The following VRK2 variants were observed in gnomAD, a reference collection of about 807,000 sequenced individuals.
VRK2 encodes VRK serine/threonine kinase 2, also known as serine/threonine-protein kinase VRK2.
Under a neutral mutation model 57.6 loss-of-function variants are expected in VRK2, and 60 were observed. The observed-to-expected ratio is 1.04, with a 90% CI of 0.85 to 1.29. The LOEUF (loss-of-function observed/expected upper bound fraction) is 1.29. Among genes scored for constraint, VRK2 ranks in the 50% most tolerant of loss-of-function variants. The pLI, the probability that VRK2 is intolerant of heterozygous loss-of-function variation, is 0.00. For synonymous variants in VRK2, 231 were observed against 199.2 expected (o/e 1.16, Z -1.35); for missense variants, 705 against 588.1 (o/e 1.20, Z -2.06).
chr2:57,983,017 C>T (rs777405734), intron 1 of VRK2, among the ~76,000 whole-genome samples: 1 of 152,172 alleles, frequency 6.6e-6, no homozygotes, highest in Non-Finnish European at 1.5e-5. Context: ...TCACCCCTTC[C>T]CTAGGAGCTG....
At chr2:57,923,081 C>T (rs576282324) in intron 1 of VRK2, among the ~76,000 whole-genome samples, 13 of 151,988 alleles carry the variant, frequency 8.6e-5, no homozygotes, top group African/African-American at 2.9e-4. Flanking sequence ...AATAGTACTC[C>T]ATTGTGTATG....
At chr2:58,154,575 A>G (rs1014019734) in intron 12 of VRK2, among the ~76,000 whole-genome samples, 1 of 151,974 alleles carries the variant, frequency 6.6e-6, no homozygotes, top group African/African-American at 2.4e-5. Flanking sequence ...GACATTAGCT[A>G]TGTCCCATGT....
intron 1 of VRK2, among the ~76,000 whole-genome samples, chr2:57,939,031 G>T (rs1426894220): frequency 6.6e-6 from 1 of 152,118 alleles, no homozygotes; most frequent in African/African-American, 2.4e-5. Context: ...AGACAATAGT[G>T]AAGCCTGAAA....
intron 7 of VRK2, among the ~76,000 whole-genome samples, chr2:58,094,154 T>C (rs1461147256): frequency 2.6e-5 from 4 of 152,220 alleles, no homozygotes; most frequent in Non-Finnish European, 5.9e-5. Context: ...GCAGGCCCTT[T>C]TTTGGTTCCA....
At chr2:57,908,578 G>T (rs1044357970) in intron 1 of VRK2, among the ~76,000 whole-genome samples, 2 of 151,946 alleles carry the variant, frequency 1.3e-5, no homozygotes, top group Admixed American at 6.6e-5. Context: ...CAAAATGTCT[G>T]AAGTTAAATG....
At chr2:58,081,323 G>A (rs75792641) in intron 2 of VRK2, among the ~76,000 whole-genome samples, 3,464 of 152,000 alleles carry the variant, frequency 0.023, 59 homozygotes, top group Non-Finnish European at 0.037. Flanking sequence ...AACAGCAGCT[G>A]TAAGATGTCA....
At chr2:58,030,451 T>C (rs1674078029) in intron 2 of VRK2, among the ~76,000 whole-genome samples, 1 of 152,058 alleles carries the variant, frequency 6.6e-6, no homozygotes, top group African/African-American at 2.4e-5. Context: ...ATTTAAATAA[T>C]CTAAAATGTC....
chr2:58,138,574 C>T (rs546288054), intron 10 of VRK2, among the ~76,000 whole-genome samples: 1 of 152,186 alleles, frequency 6.6e-6, no homozygotes, highest in Admixed American at 6.5e-5. Flanking sequence ...TGAAATTTTT[C>T]TCTATAGGGA....
chr2:58,069,791 C>T (rs1437717375), intron 2 of VRK2, among the ~76,000 whole-genome samples: 1 of 152,116 alleles, frequency 6.6e-6, no homozygotes, highest in Non-Finnish European at 1.5e-5. Context: ...ATATTCATTT[C>T]CTACTCTTCT....
intron 1 of VRK2, among the ~76,000 whole-genome samples, chr2:58,048,188 G>C (rs921392237): frequency 1.3e-5 from 2 of 152,208 alleles, no homozygotes; most frequent in African/African-American, 4.8e-5. Context: ...TCTAAGGCAG[G>C]ACTGTTTTCA....
At chr2:57,910,964 G>A (rs745421608) in intron 1 of VRK2, among the ~76,000 whole-genome samples, 48 of 151,972 alleles carry the variant, frequency 3.2e-4, no homozygotes, top group Non-Finnish European at 5.6e-4. Context: ...TAGAACCAGT[G>A]AGCAATAAAC....
chr2:58,058,570 G>A (rs1484375060), intron 2 of VRK2: 2 of 273,630 alleles, frequency 7.3e-6, no homozygotes, highest in African/African-American at 2.3e-5. Flanking sequence ...ATAGAACACA[G>A]AAAAGTAAAA....
intron 11 of VRK2, 67 bp from the exon 12 acceptor site, chr2:58,146,249 T>C: frequency 7.4e-7 from 1 of 1,353,068 alleles, no homozygotes; most frequent in Admixed American, 2.6e-5. Context: ...AATCTGGACA[T>C]ATATGCATTT....
At chr2:57,970,551 T>A (rs1489571805) in intron 1 of VRK2, among the ~76,000 whole-genome samples, 1 of 141,396 alleles carries the variant, frequency 7.1e-6, no homozygotes. Context: ...AAGAAAACAT[T>A]AATTTTGAAA....
At chr2:58,054,751 A>T (rs1409580105) in intron 2 of VRK2, among the ~76,000 whole-genome samples, 1 of 152,200 alleles carries the variant, frequency 6.6e-6, no homozygotes, top group East Asian at 1.9e-4. Context: ...TATGGTTTTT[A>T]TACTACTTAG....
At chr2:58,134,350 G>A (rs1270463571) in intron 9 of VRK2, among the ~76,000 whole-genome samples, 2 of 152,000 alleles carry the variant, frequency 1.3e-5, no homozygotes, top group African/African-American at 4.8e-5. Context: ...GGTGGCTCAC[G>A]CCTGTAATCC....
chr2:57,967,477 A>T (rs2104013004), intron 1 of VRK2, among the ~76,000 whole-genome samples: 1 of 152,200 alleles, frequency 6.6e-6, no homozygotes, highest in South Asian at 2.1e-4. Flanking sequence ...TTTAACATTC[A>T]GTACTAATTT....
At chr2:57,932,219 T>C (rs891942848) in intron 1 of VRK2, among the ~76,000 whole-genome samples, 1 of 152,146 alleles carries the variant, frequency 6.6e-6, no homozygotes, top group African/African-American at 2.4e-5. Flanking sequence ...CCTTGTAAGA[T>C]AAACTAGTAG....
chr2:57,948,693 A>G (rs1671335049), intron 1 of VRK2, among the ~76,000 whole-genome samples: 1 of 152,160 alleles, frequency 6.6e-6, no homozygotes, highest in Non-Finnish European at 1.5e-5. Context: ...TGTACTGGTA[A>G]TAATAAAGCC....
Sources: allele counts gnomAD v4.1 joint callset (sites outside exome capture counted in the v4.1 genomes callset), GRCh38; gene constraint gnomAD v4.1.1; transcripts MANE v1.5; gene names NCBI Gene and HGNC (gene_info 2026-07-23, HGNC 2026-07-21).